The following MAPK8IP3 variants were observed in gnomAD, a reference collection of about 807,000 sequenced individuals.
The protein encoded by MAPK8IP3 is C-Jun-amino-terminal kinase-interacting protein 3.
A neutral mutation model predicts 157.8 loss-of-function variants in MAPK8IP3; 49 were observed. The observed-to-expected ratio is 0.31, with a 90% confidence interval of 0.25 to 0.39. The LOEUF is 0.39. MAPK8IP3 is among the 10% of genes least tolerant of loss of function. The probability of loss-of-function intolerance (pLI) is 1.00; values close to 1 mark genes in which losing one functional copy is unlikely to be tolerated. For missense variants in MAPK8IP3, 1,478 were observed against 1,889.4 expected, an observed-to-expected ratio of 0.78 and a Z score of 4.04; for synonymous variants, 897 against 777.7, an observed-to-expected ratio of 1.15 and a Z score of -2.55.
At chr16:1,755,303 C>T (rs986352628) in intron 8 of MAPK8IP3, among the ~76,000 whole-genome samples, 1 of 152,162 alleles carries the variant, frequency 6.6e-6, no homozygotes, top group African/African-American at 2.4e-5. Context: ...AAGTCTAAGC[C>T]TGACCTCCCC....
chr16:1,709,385 G>A (rs926477136), intron 1 of MAPK8IP3, among the ~76,000 whole-genome samples: 2 of 152,188 alleles, frequency 1.3e-5, no homozygotes, highest in Non-Finnish European at 2.9e-5. Flanking sequence ...TCCCCTCGCT[G>A]GGCTGCAGTG....
intron 1 of MAPK8IP3, among the ~76,000 whole-genome samples, chr16:1,722,714 C>CT (rs1033046679): frequency 3.3e-5 from 5 of 151,036 alleles, no homozygotes; most frequent in South Asian, 2.1e-4. Context: ...AAAAAAAAAT[C>CT]TTTTTTTTGA....
intron 4 of MAPK8IP3, among the ~76,000 whole-genome samples, chr16:1,733,697 T>C (rs955218278): frequency 3.3e-5 from 5 of 152,162 alleles, no homozygotes; most frequent in African/African-American, 1.2e-4. Context: ...CACCTCGTCC[T>C]TGTCAGGGCC....
chr16:1,752,750 TAAA>T (rs79566771), intron 8 of MAPK8IP3, among the ~76,000 whole-genome samples: 223 of 134,428 alleles, frequency 1.7e-3, no homozygotes, highest in Non-Finnish European at 2.0e-3. Flanking sequence ...CCCTGTCTCT[TAAA>T]AAAAAAAAAA....
At chr16:1,740,433 C>G (rs924382244) in intron 4 of MAPK8IP3, among the ~76,000 whole-genome samples, 1 of 147,166 alleles carries the variant, frequency 6.8e-6, no homozygotes, top group African/African-American at 2.5e-5. Flanking sequence ...TGCCCACACC[C>G]TCTAACACCT....
rs541274747 is a variant in MAPK8IP3 at position 1,742,590 on chromosome 16, T to C, written c.603-742T>C. On this transcript the variant is annotated intron_variant, in intron 4 of 31. Transcript: ENST00000610761. The surrounding 1 kb of genome is among the most constrained non-coding windows in gnomAD (Gnocchi z 5.0). The stretch of plus-strand genomic sequence containing the variant: ...GCCTCATGAACAGGAGTAATGAGGA[T>C]GGGCAGGAGGGGCCAAGGAACAAGG... 3.3e-5 allele frequency among the ~76,000 whole-genome samples: 5 copies of C among 152,228 alleles called. No individual in the cohort carries two copies. Among genetic ancestry groups the C allele is most frequent in the Non-Finnish European group, 7.4e-5 (5 of 67,994 alleles).
In MAPK8IP3 at chr16:1,724,255, G is replaced by A. The variant is rs1342725056; in HGVS notation, c.319-302G>A. ...GCCCGGGTCTCATGCAGCCACGAAG[G>A]CAGCCGTAATTGGAAACAACAGGCT... On this transcript the variant is annotated intron_variant, in intron 1 of 31. Coordinates refer to ENST00000610761, the MANE Select transcript of MAPK8IP3 (RefSeq NM_001318852.2). The surrounding 1 kb of genome is among the most constrained non-coding windows in gnomAD (Gnocchi z 4.1). Among the ~76,000 whole-genome samples the A allele has an allele frequency of 2.0e-5, 3 of 152,246 alleles. No homozygotes were observed. Among genetic ancestry groups the A allele is most frequent in the Non-Finnish European group, 2.9e-5 (2 of 68,038 alleles).
At chr16:1,730,859 G>A (rs1358448647) in intron 4 of MAPK8IP3, among the ~76,000 whole-genome samples, 2 of 138,796 alleles carry the variant, frequency 1.4e-5, no homozygotes, top group African/African-American at 2.7e-5. Context: ...AAAAAAAAAG[G>A]GTAGGCACAG....
intron 8 of MAPK8IP3, among the ~76,000 whole-genome samples, chr16:1,756,237 C>T (rs910290183): frequency 6.6e-6 from 1 of 152,164 alleles, no homozygotes. Flanking sequence ...CACTACAGGG[C>T]ATTGAAAGCA....
chr16:1,760,248 G>A (rs1445583676), intron 11 of MAPK8IP3, 132 bp from the exon 12 acceptor site: 8 of 1,202,236 alleles, frequency 6.7e-6, no homozygotes, highest in Non-Finnish European at 9.4e-6. Context: ...TGGGGATGGG[G>A]TCTCCCATTC....
At chr16:1,759,113 A>T in intron 10 of MAPK8IP3, 118 bp downstream of exon 10, 3 of 1,366,956 alleles carry the variant, frequency 2.2e-6, no homozygotes, top group East Asian at 2.4e-5. Context: ...CGCCGGGGTC[A>T]GGGGGGCAGC....
intron 6 of MAPK8IP3, 98 bp downstream of exon 6, chr16:1,747,373 C>T (rs1002688709): frequency 2.0e-6 from 3 of 1,496,138 alleles, no homozygotes; most frequent in Non-Finnish European, 2.7e-6. Flanking sequence ...GCAGTGCAGG[C>T]AGCAGAGACG....
chr16:1,764,270 G>C, intron 18 of MAPK8IP3, 31 bp from the exon 19 acceptor site: 1 of 1,590,796 alleles, frequency 6.3e-7, no homozygotes. Flanking sequence ...GGGAGTGCCG[G>C]TGACACCCGA....
rs1305715828 is a variant in MAPK8IP3 at position 1,741,328 on chromosome 16, T to C, written c.603-2004T>C. Among the ~76,000 whole-genome samples, 2 of 151,876 alleles carry C rather than the reference T, an allele frequency of 1.3e-5. No homozygotes were observed. Reference sequence around the variant, plus strand: ...CCTGAGGCCAGGGCCTGGGGGCCGGTGGGGAGGAGCAAAGGAAAGAGTGAA... The same window carrying C: ...CCTGAGGCCAGGGCCTGGGGGCCGGCGGGGAGGAGCAAAGGAAAGAGTGAA... On this transcript the variant is annotated intron_variant, in intron 4 of 31. Coordinates refer to ENST00000610761, the MANE Select transcript of MAPK8IP3 (RefSeq NM_001318852.2). This position sits in a 1 kb window ranked among gnomAD's most constrained non-coding sequence, Gnocchi z 6.9.
At chr16:1,739,827 C>T (rs2040522373) in intron 4 of MAPK8IP3, among the ~76,000 whole-genome samples, 3 of 97,262 alleles carry the variant, frequency 3.1e-5, no homozygotes, top group African/African-American at 8.3e-5. Flanking sequence ...TGTGAGCATC[C>T]GTGTGACCGT....
At chr16:1,715,123 G>A (rs1363640547) in intron 1 of MAPK8IP3, among the ~76,000 whole-genome samples, 2 of 151,908 alleles carry the variant, frequency 1.3e-5, no homozygotes, top group Non-Finnish European at 2.9e-5. Context: ...AAATCAGTTC[G>A]TATTCAACCA....
chr16:1,742,237 C>A lies in MAPK8IP3; in HGVS notation c.603-1095C>A, dbSNP rs995862340. ...TGGGCTGTTGACTGGAAACCTCCCG[C>A]GGAGGAGGACGTAAAGGGAGACCTT... On this transcript the variant is annotated intron_variant, in intron 4 of 31. Coordinates refer to ENST00000610761, the MANE Select transcript of MAPK8IP3 (RefSeq NM_001318852.2). The surrounding 1 kb of genome is among the most constrained non-coding windows in gnomAD (Gnocchi z 5.0). Among the ~76,000 whole-genome samples, 3 of 152,148 alleles carry A rather than the reference C, an allele frequency of 2.0e-5. No homozygotes were observed. Among genetic ancestry groups the A allele is most frequent in the Non-Finnish European group, 2.9e-5 (2 of 68,014 alleles).
chr16:1,768,371 G>T lies in MAPK8IP3; in HGVS notation c.3735G>T (p.Ser1245=), dbSNP rs367836756. The T allele has an allele frequency of 3.7e-6, 6 of 1,600,402 alleles. No individual in the cohort carries two copies. Among genetic ancestry groups the T allele is most frequent in the Non-Finnish European group, 5.1e-6 (6 of 1,179,132 alleles). The change falls in exon 30 of 32, where the codon TCG becomes TCT. Residue 1245 remains serine, a synonymous_variant. Transcript: ENST00000610761. ...GHRDAVKFFV[S]VPGNVLATLN... is the part of the protein sequence containing the mutation. ...GCGATGCCGTGAAGTTCTTTGTCTC[G>T]GTGCCAGGTGAGGCTGGGCCCCTCC...
At chr16:1,744,780 A>G (rs943811447) in intron 5 of MAPK8IP3, 3 of 985,368 alleles carry the variant, frequency 3.0e-6, no homozygotes, top group African/African-American at 3.5e-5. Context: ...GTTGTCTGAC[A>G]TCGTCGCTCT....
Sources: gnomAD v4.1 joint callset for allele counts (sites outside exome capture counted in the v4.1 genomes callset) on GRCh38, gnomAD v4.1.1 for gene constraint, Gnocchi (gnomAD v3.1) non-coding constraint, MANE v1.5 for transcripts, NCBI Gene and HGNC (gene_info 2026-07-23, HGNC 2026-07-21) for gene names.